The following DNAAF9 variants were observed in gnomAD, a reference collection of about 807,000 sequenced individuals.
The protein encoded by DNAAF9 is shulin.
DNAAF9 carries 90 observed loss-of-function variants against 167.0 expected under a neutral mutation model. The ratio of observed to expected loss-of-function variants is 0.54; its 90% CI spans 0.45 to 0.64. The LOEUF is 0.64. Ranked by LOEUF, DNAAF9 falls within the 30% of genes least tolerant of loss-of-function variation. The pLI, the probability that DNAAF9 is intolerant of heterozygous loss-of-function variation, is 0.00. For missense variants in DNAAF9, 1,315 were observed against 1,442.2 expected (o/e 0.91, Z 1.43); for synonymous variants, 491 against 508.8 (o/e 0.96, Z 0.47).
chr20:3,262,214 G>T (rs1338994627), intron 31 of DNAAF9, among the ~76,000 whole-genome samples: 1 of 151,708 alleles, frequency 6.6e-6, no homozygotes, highest in East Asian at 1.9e-4. Context: ...TCTCTATAAG[G>T]ACTGATCTTC....
chr20:3,349,204 C>A (rs6084344), intron 7 of DNAAF9, among the ~76,000 whole-genome samples: 67,329 of 85,272 alleles, frequency 0.79, 25,095 homozygotes, highest in South Asian at 0.84. Context: ...AAAAAAAAAA[C>A]AAAAAAAAAA....
chr20:3,296,736 GA>G (rs2069086877), intron 23 of DNAAF9, 124 bp downstream of exon 23: 2 of 675,954 alleles, frequency 3.0e-6, no homozygotes, highest in African/African-American at 1.8e-5. Context: ...TGGCAGCATT[GA>G]AATGTCTGTG....
chr20:3,279,329 C>A (rs2068728365), intron 28 of DNAAF9, among the ~76,000 whole-genome samples: 1 of 152,158 alleles, frequency 6.6e-6, no homozygotes, highest in South Asian at 2.1e-4. Flanking sequence ...CTACCAGGGG[C>A]CTTTAATACC....
Position 3,294,573 on chromosome 20 carries a change from C to T in DNAAF9, c.2075G>A (p.Arg692Gln), listed in dbSNP as rs751336758. The change falls in exon 24 of 37, where the codon CGG becomes CAG. Residue 692 changes from arginine to glutamine, a missense_variant. This residue lies in a region of DNAAF9 where 981 missense variants were observed against 1,012.5 expected (regional missense o/e 0.97). Transcript: ENST00000252032. ...SALSQPAGEK[R>Q]SSLKLLSAKL... Reference sequence around the variant, plus strand: ...GGCTGAGAGTAACTTTAGGGAACTCCGTTTCTCCCCAGCAGGCTGGCTCAG... The same window carrying T: ...GGCTGAGAGTAACTTTAGGGAACTCTGTTTCTCCCCAGCAGGCTGGCTCAG... The T allele has an allele frequency of 9.9e-6, 16 of 1,613,788 alleles. No homozygotes were observed. The highest frequency in any genetic ancestry group is 1.7e-4 in the Middle Eastern group (1 of 6,010).
chr20:3,407,421 C>T lies in DNAAF9; in HGVS notation c.83+54G>A, dbSNP rs971794905. 5.6e-6 allele frequency: 7 copies of T among 1,253,098 alleles called. No homozygotes were observed. The African/African-American group carries it at 6.3e-5, about 11-fold the overall frequency. The allele number at this position is 1,253,098 out of a possible 1,614,324, so 77.6% of individuals were successfully genotyped here. A position where few individuals can be genotyped will look rare whatever the true frequency, so the allele number is the denominator to read the frequency against. ...TGCGGCGGGAGGCGTCGCCGGACCC[C>T]GACAGCCCGCATCCCCCGCCCGGCC... is the stretch of plus-strand genomic sequence containing the variant. On this transcript the variant is annotated intron_variant, in intron 1 of 36. Transcript: ENST00000252032.
intron 29 of DNAAF9, among the ~76,000 whole-genome samples, chr20:3,276,027 A>ATTT (rs1341410608): frequency 6.6e-6 from 1 of 152,146 alleles, no homozygotes; most frequent in Non-Finnish European, 1.5e-5. Flanking sequence ...CACTGAGATT[A>ATTT]TTTCTTAGTC....
chr20:3,345,033 A>G (rs1267681672), intron 8 of DNAAF9, among the ~76,000 whole-genome samples: 4 of 152,006 alleles, frequency 2.6e-5, no homozygotes, highest in Non-Finnish European at 5.9e-5. Flanking sequence ...TTATTTATTT[A>G]TTGAGGCAGA....
At chr20:3,324,480 C>T (rs1259267887) in intron 14 of DNAAF9, among the ~76,000 whole-genome samples, 1 of 152,050 alleles carries the variant, frequency 6.6e-6, no homozygotes, top group African/African-American at 2.4e-5. Context: ...CGGCCAGGCT[C>T]AGGGTTTCTG....
At chr20:3,382,748 G>A (rs1339821608) in intron 1 of DNAAF9, among the ~76,000 whole-genome samples, 1 of 152,050 alleles carries the variant, frequency 6.6e-6, no homozygotes, top group African/African-American at 2.4e-5. Flanking sequence ...TGCTGATTAC[G>A]AACTCCTCAA....
chr20:3,338,734 C>T (rs1488757452), intron 10 of DNAAF9, among the ~76,000 whole-genome samples: 1 of 149,586 alleles, frequency 6.7e-6, no homozygotes, highest in Non-Finnish European at 1.5e-5. Flanking sequence ...CTCACTGCAA[C>T]CTCCGCCTCC....
chr20:3,329,037 T>G (rs1184862896), intron 12 of DNAAF9, among the ~76,000 whole-genome samples: 1 of 152,046 alleles, frequency 6.6e-6, no homozygotes. Flanking sequence ...ATTTGGCTAA[T>G]TTTTGTATTT....
At chr20:3,268,665 T>C (rs1037888069) in intron 30 of DNAAF9, among the ~76,000 whole-genome samples, 2 of 152,054 alleles carry the variant, frequency 1.3e-5, no homozygotes, top group African/African-American at 4.8e-5. Flanking sequence ...ATTTAGTTTT[T>C]TCCCTCCTTT....
At chr20:3,333,489 A>G (rs758062403) in intron 10 of DNAAF9, among the ~76,000 whole-genome samples, 15 of 152,226 alleles carry the variant, frequency 9.9e-5, no homozygotes, top group Non-Finnish European at 1.6e-4. Flanking sequence ...ATTTTTCTAT[A>G]ACATTGTGAA....
At chr20:3,406,768 T>C (rs1237149068) in intron 1 of DNAAF9, among the ~76,000 whole-genome samples, 2 of 152,176 alleles carry the variant, frequency 1.3e-5, no homozygotes, top group Non-Finnish European at 2.9e-5. Flanking sequence ...ATTTATCCAG[T>C]TTTTCCTCCT....
chr20:3,266,291 A>G (rs2068488721), intron 30 of DNAAF9, among the ~76,000 whole-genome samples: 1 of 152,116 alleles, frequency 6.6e-6, no homozygotes, highest in African/African-American at 2.4e-5. Flanking sequence ...ATTGTAAGGT[A>G]TTTTTCCCTC....
intron 6 of DNAAF9, among the ~76,000 whole-genome samples, chr20:3,366,440 T>A (rs1178449633): frequency 1.3e-5 from 2 of 152,168 alleles, no homozygotes; most frequent in African/African-American, 2.4e-5. Context: ...TGTAAACAGA[T>A]GTGCTATCAT....
chr20:3,350,156 G>GACACACACAC (rs35251429), intron 7 of DNAAF9, among the ~76,000 whole-genome samples: 16 of 89,946 alleles, frequency 1.8e-4, no homozygotes, highest in South Asian at 3.5e-4. Flanking sequence ...CAGACACACA[G>GACACACACAC]ACACACACAC....
chr20:3,280,043 A>C (rs555812100), intron 28 of DNAAF9, among the ~76,000 whole-genome samples: 4 of 152,174 alleles, frequency 2.6e-5, no homozygotes, highest in Non-Finnish European at 5.9e-5. Context: ...TTGGTAGATG[A>C]GCTGGGTGAA....
intron 6 of DNAAF9, among the ~76,000 whole-genome samples, chr20:3,366,130 G>A (rs2123195958): frequency 6.6e-6 from 1 of 152,250 alleles, no homozygotes; most frequent in Admixed American, 6.5e-5. Context: ...ATCTAGATTG[G>A]TGAATCTTTT....
Sources: allele counts gnomAD v4.1 joint callset (sites outside exome capture counted in the v4.1 genomes callset), GRCh38; gene constraint gnomAD v4.1.1; regional missense constraint gnomAD v4.1.1; transcripts MANE v1.5; gene names NCBI Gene and HGNC (gene_info 2026-07-23, HGNC 2026-07-21).